Variants in TMEM134 observed in about 807,000 individuals in gnomAD.
TMEM134 encodes the protein transmembrane protein 134.
Under a neutral mutation model 26.2 loss-of-function variants are expected in TMEM134, and 36 were observed. That is an observed-to-expected ratio of 1.37 (90% CI 1.05 to 1.81). TMEM134 has a LOEUF of 1.81. Ranked by LOEUF, TMEM134 falls within the 40% of genes most tolerant of loss-of-function variation. The pLI is 0.00. For synonymous variants in TMEM134, 133 were observed against 113.6 expected, an observed-to-expected ratio of 1.17 and a Z score of -1.08; for missense variants, 339 against 263.5, an observed-to-expected ratio of 1.29 and a Z score of -1.98.
Position 67,467,668 on chromosome 11 carries a change from A to G in TMEM134, c.240-78T>C, listed in dbSNP as rs1466676343. ...TGGGACAGGAGTCCTGATGAAGTGC[A>G]GGGCATGGTGCAGGGACTGGGGCTG... On this transcript the variant is annotated intron_variant, in intron 2 of 6. Transcript: ENST00000308022. 7 of 1,414,368 alleles carry G rather than the reference A, an allele frequency of 4.9e-6. No individual in the cohort carries two copies. In the East Asian group the frequency reaches 1.1e-4, roughly 23 times the overall value. 87.6% of individuals were successfully genotyped at this position (1,414,368 alleles called of 1,614,324 possible).
At chr11:67,465,291 A>C (rs1053523047) in intron 4 of TMEM134, 191 bp from the exon 5 acceptor site, 38 of 1,409,854 alleles carry the variant, frequency 2.7e-5, no homozygotes, top group Middle Eastern at 3.7e-4. Context: ...GAAAGGAGAG[A>C]TTTTTCTTTG....
chr11:67,468,687 T>C (rs1449642963), intron 1 of TMEM134, among the ~76,000 whole-genome samples: 2 of 152,034 alleles, frequency 1.3e-5, no homozygotes, highest in African/African-American at 4.8e-5. Context: ...CAAGGTCTGG[T>C]TCAGATACAG....
intron 2 of TMEM134, 170 bp downstream of exon 2, chr11:67,467,858 T>G: frequency 2.9e-6 from 2 of 696,678 alleles, no homozygotes; most frequent in Non-Finnish European, 4.8e-6. Flanking sequence ...GGCACTAGGG[T>G]AGGGTGACCC....
At chr11:67,467,430 G>A (rs765872348) in intron 3 of TMEM134, 42 bp from the exon 4 acceptor site, 3 of 1,613,264 alleles carry the variant, frequency 1.9e-6, no homozygotes, top group Admixed American at 3.3e-5. Context: ...GGAGGTGGAG[G>A]GAGGGGGTGC....
Position 67,465,058 on chromosome 11 carries a change from G to A in TMEM134, c.449C>T (p.Pro150Leu), listed in dbSNP as rs1350479512. The change falls in exon 5 of 7, where the codon CCA (proline) becomes CTA (leucine). Residue 150 changes from proline (P) to leucine (L), a missense_variant and splice_region_variant. By Grantham distance (98) the Pro-to-Leu change is moderately conservative. Coordinates refer to ENST00000308022, the MANE Select transcript of TMEM134 (RefSeq NM_025124.4). ...VGVGLEATPSPGVSSAIFFVP... is the reference protein window; with the variant it reads ...VGVGLEATPSLGVSSAIFFVP... ...GTGGGGGCGGGAGGGTCGCTCACCT[G>A]GAGAGGGGGTCGCCTCCAGTCCCAC... The A allele has an allele frequency of 1.3e-6, 2 of 1,582,358 alleles. No individual in the cohort carries two copies. The highest frequency in any genetic ancestry group is 1.3e-5 in the African/African-American group (1 of 74,300).
At chr11:67,465,178 C>CCCA (rs1865175841) in intron 4 of TMEM134, 78 bp from the exon 5 acceptor site, 1 of 1,535,462 alleles carries the variant, frequency 6.5e-7, no homozygotes, top group East Asian at 2.4e-5. Flanking sequence ...GCCCGGCTCA[C>CCCA]CCACCACCTG....
At position 67,469,075 on chromosome 11, in the gene TMEM134, G is replaced by A. The variant is rs1308929578; in HGVS notation, c.118C>T (p.Arg40Cys). 6.6e-7 allele frequency: 1 copy of A among 1,515,326 alleles called. No individual in the cohort carries two copies. Among genetic ancestry groups the A allele is most frequent in the South Asian group, 1.2e-5 (1 of 82,210 alleles). The allele number at this position is 1,515,326 out of a possible 1,614,324, so 93.9% of individuals were successfully genotyped here. ...TCAGCCACCTCGAACCGGGCCCGAC[G>A]CTCGAAGTGCAGCGGCCCAAAGCGC... ...VARFGPLHFE[R>C]RARFEVADED... is the part of the protein sequence containing the mutation. The change falls in exon 1 of 7, where the codon CGT becomes TGT. Residue 40 changes from arginine to cysteine, a missense_variant. Transcript: ENST00000308022.
rs1435701525 is a variant in TMEM134, at chr11:67,469,055, C to T, written c.138G>A (p.Val46=). 10 of 1,517,272 alleles carry T rather than the reference C, an allele frequency of 6.6e-6. No homozygotes were observed. Among genetic ancestry groups the T allele is most frequent in the Non-Finnish European group, 7.9e-6 (9 of 1,134,020 alleles). 94.0% of individuals were successfully genotyped at this position (1,517,272 alleles called of 1,614,324 possible). Reference sequence around the variant, plus strand: ...GCCGGGACTGCTTGTCCTCGTCAGCCACCTCGAACCGGGCCCGACGCTCGA... The same window carrying T: ...GCCGGGACTGCTTGTCCTCGTCAGCTACCTCGAACCGGGCCCGACGCTCGA... ...LHFERRARFE[V]ADEDKQSRLR... is the part of the protein sequence containing the mutation. The change falls in exon 1 of 7, where the codon GTG becomes GTA. Residue 46 remains valine (V), a synonymous_variant. Coordinates refer to ENST00000308022, the MANE Select transcript of TMEM134 (RefSeq NM_025124.4).
rs1302670419 is a variant in TMEM134 at position 67,466,195 on chromosome 11, A to T, written c.407-1095T>A. 3.3e-5 allele frequency: 5 copies of T among 152,214 alleles called. No homozygotes were observed. The East Asian group carries it at 9.7e-4, about 29-fold the overall frequency. 9.4% of individuals were successfully genotyped at this position (152,214 alleles called of 1,614,324 possible). A position where few individuals can be genotyped will look rare whatever the true frequency, so the allele number is the denominator to read the frequency against. ...CCCCATCTCTACTAAAAAAATACAA[A>T]AAATTAGCCAGGTGTGGTGGCGCGC... On this transcript the variant is annotated intron_variant, in intron 4 of 6. Coordinates refer to ENST00000308022, the MANE Select transcript of TMEM134 (RefSeq NM_025124.4).
chr11:67,463,596 TG>T lies in TMEM134; in HGVS notation c.*1017del, dbSNP rs1865079803. The T allele has an allele frequency of 6.6e-6, 1 of 151,928 alleles. No homozygotes were observed. The highest frequency in any genetic ancestry group is 1.5e-5 in the Non-Finnish European group (1 of 68,000). 9.4% of individuals were successfully genotyped at this position (151,928 alleles called of 1,614,324 possible). A position where few individuals can be genotyped will look rare whatever the true frequency, so the allele number is the denominator to read the frequency against. On this transcript the variant is annotated 3_prime_UTR_variant, in exon 7 of 7. Transcript: ENST00000308022. ...AAATAGAGATGGGTTCTCGCCATGT[TG>T]TCCAGGTTGGTCGCGAACTCCTGGG...
In TMEM134 at chr11:67,468,055, G is replaced by A. The variant is rs1272213093; in HGVS notation, c.212C>T (p.Pro71Leu). Residue 71 changes from proline to leucine, a missense_variant, in exon 2 of 7, where the codon CCG becomes CTG. Transcript: ENST00000308022. Reference protein sequence around the residue: ...ENDEDGAQASPEPDGGVGTRD... With the variant: ...ENDEDGAQASLEPDGGVGTRD... ...GGTGCCGACTCCCCCATCCGGCTCC[G>A]GAGAGGCCTGGGCTCCATCCTCATC... 47 of 1,563,274 alleles carry A rather than the reference G, an allele frequency of 3.0e-5. No individual in the cohort carries two copies. The highest frequency in any genetic ancestry group is 3.9e-5 in the Non-Finnish European group (45 of 1,153,426).
In TMEM134 at chr11:67,464,671, G is replaced by T. The variant is rs1019686027; in HGVS notation, c.531C>A (p.Cys177Ter). ...PGVYHVIFIYCAVKGHRGFQF... is the reference protein window; with the variant it reads ...PGVYHVIFIY ...GGAAGCCCCGGTGGCCCTTGACCGC[G>T]CAGTAGATGAAGATCACGTGATAGA... is the stretch of plus-strand genomic sequence containing the variant. The change falls in exon 7 of 7, where the codon TGC becomes TGA. Residue 177 changes from cysteine to a stop codon, truncating the protein, a stop_gained. Coordinates refer to ENST00000308022, the MANE Select transcript of TMEM134 (RefSeq NM_025124.4). LOFTEE classifies it high-confidence loss of function. 2 of 1,553,928 alleles carry T rather than the reference G, an allele frequency of 1.3e-6. No individual in the cohort carries two copies. The highest frequency in any genetic ancestry group is 1.7e-6 in the Non-Finnish European group (2 of 1,148,154).
chr11:67,464,472 G>A lies in TMEM134; in HGVS notation c.*142C>T, dbSNP rs898149460. On this transcript the variant is annotated 3_prime_UTR_variant, in exon 7 of 7. Transcript: ENST00000308022. ...GGGCGGCTTTCCCAGGGCCAGGCCT[G>A]CATGCCCCGAACTTCCTGAGCAAAC... is the stretch of plus-strand genomic sequence containing the variant. 5 of 833,518 alleles carry A rather than the reference G, an allele frequency of 6.0e-6. No individual in the cohort carries two copies. In the African/African-American group the frequency reaches 8.6e-5, roughly 14 times the overall value. The allele number at this position is 833,518 out of a possible 1,614,324, so 51.6% of individuals were successfully genotyped here.
In TMEM134 at chr11:67,469,078, C is replaced by T; in HGVS notation, c.115G>A (p.Glu39Lys). 1 of 1,514,606 alleles carries T rather than the reference C, an allele frequency of 6.6e-7. No individual in the cohort carries two copies. The highest frequency in any genetic ancestry group is 8.8e-7 in the Non-Finnish European group (1 of 1,131,782). The allele number at this position is 1,514,606 out of a possible 1,614,324, so 93.8% of individuals were successfully genotyped here. A position where few individuals can be genotyped will look rare whatever the true frequency, so the allele number is the denominator to read the frequency against. The change falls in exon 1 of 7, where the codon GAG becomes AAG. Residue 39 changes from glutamate to lysine, a missense_variant. Coordinates refer to ENST00000308022, the MANE Select transcript of TMEM134 (RefSeq NM_025124.4). The part of the protein sequence containing the change: ...GVARFGPLHF[E>K]RRARFEVADE... ...GCCACCTCGAACCGGGCCCGACGCTCGAAGTGCAGCGGCCCAAAGCGCGCG... is the reference window on the plus strand; with the variant it reads ...GCCACCTCGAACCGGGCCCGACGCTTGAAGTGCAGCGGCCCAAAGCGCGCG...
At chr11:67,465,181 AC>A in intron 4 of TMEM134, 81 bp from the exon 5 acceptor site, 2 of 1,534,784 alleles carry the variant, frequency 1.3e-6, no homozygotes, top group Middle Eastern at 1.7e-4. Context: ...CGGCTCACCC[AC>A]CACCTGAGCT....
In TMEM134 at chr11:67,468,111, C is replaced by A; in HGVS notation, c.175-19G>T. ...CCAGGTTCTGTTGCAGAACACAGGT[C>A]TCAGGGGGGTTGCTGGGCTGGGGCC... On this transcript the variant is annotated intron_variant, in intron 1 of 6. Coordinates refer to ENST00000308022, the MANE Select transcript of TMEM134 (RefSeq NM_025124.4). 6.4e-7 allele frequency: 1 copy of A among 1,555,828 alleles called. No homozygotes were observed. The highest frequency in any genetic ancestry group is 1.2e-5 in the South Asian group (1 of 84,458).
Position 67,464,667 on chromosome 11 carries a change from CCG to C in TMEM134, c.533_534del (p.Ala178GlyfsTer56). 1 of 1,554,080 alleles carries C rather than the reference CCG, an allele frequency of 6.4e-7. No individual in the cohort carries two copies. The highest frequency in any genetic ancestry group is 1.2e-5 in the South Asian group (1 of 84,328). ...GVYHVIFIYC[A>X]VKGHRGFQFF... ...AACTGGAAGCCCCGGTGGCCCTTGA[CCG>C]CGCAGTAGATGAAGATCACGTGATA... On this transcript the variant is annotated frameshift_variant, in exon 7 of 7. Coordinates refer to ENST00000308022, the MANE Select transcript of TMEM134 (RefSeq NM_025124.4). LOFTEE classifies it high-confidence loss of function.
chr11:67,466,899 G>A (rs200252768), intron 4 of TMEM134: 15 of 225,270 alleles, frequency 6.7e-5, no homozygotes, highest in Non-Finnish European at 8.9e-5. Context: ...CTGGGCACTC[G>A]GCATCCCTGA....
chr11:67,464,481 G>C lies in TMEM134; in HGVS notation c.*133C>G, dbSNP rs995160542. 1 of 942,264 alleles carries C rather than the reference G, an allele frequency of 1.1e-6. No individual in the cohort carries two copies. Among genetic ancestry groups the C allele is most frequent in the East Asian group, 2.6e-5 (1 of 38,112 alleles). The allele number at this position is 942,264 out of a possible 1,614,324, so 58.4% of individuals were successfully genotyped here. On this transcript the variant is annotated 3_prime_UTR_variant, in exon 7 of 7. Coordinates refer to ENST00000308022, the MANE Select transcript of TMEM134 (RefSeq NM_025124.4). ...TCCCAGGGCCAGGCCTGCATGCCCC[G>C]AACTTCCTGAGCAAACTCCCTAGGG...
Sources: gnomAD v4.1 joint callset for allele counts (sites outside exome capture counted in the v4.1 genomes callset) on GRCh38, gnomAD v4.1.1 for gene constraint, MANE v1.5 for transcripts, NCBI Gene and HGNC (gene_info 2026-07-23, HGNC 2026-07-21) for gene names.